Variants in FNIP2 observed in about 807,000 individuals in gnomAD.
FNIP2 encodes folliculin interacting protein 2.
In FNIP2, 32 loss-of-function variants were observed where a neutral mutation model predicts 108.7. The observed-to-expected ratio is 0.29, with a 90% CI of 0.22 to 0.40. FNIP2 has a LOEUF of 0.40. FNIP2 is among the 10% of genes least tolerant of loss of function. The pLI is 1.00. For synonymous variants in FNIP2, 480 were observed against 496.7 expected (o/e 0.97, Z 0.45); for missense variants, 1,202 against 1,381.6 (o/e 0.87, Z 2.06).
At chr4:158,857,862 C>T (rs1229675880) in intron 8 of FNIP2, among the ~76,000 whole-genome samples, 3 of 151,672 alleles carry the variant, frequency 2.0e-5, no homozygotes, top group African/African-American at 7.3e-5. Flanking sequence ...GTGGGAGGAT[C>T]GCTTGAGCCT....
In FNIP2 at chr4:158,895,759, C is replaced by A; in HGVS notation, c.3160C>A (p.His1054Asn). 6.2e-7 allele frequency: 1 copy of A among 1,607,074 alleles called. No individual in the cohort carries two copies. The highest frequency in any genetic ancestry group is 8.5e-7 in the Non-Finnish European group (1 of 1,174,540). ...LHLPADFCIM[H>N]LEDRLQEMYL... The stretch of plus-strand genomic sequence containing the variant: ...GTTCTTGGCTTTGCAGTGCATCATG[C>A]ATCTTGAAGATAGACTACAGGAGAT... The change falls in exon 16 of 17, where the codon CAT (histidine) becomes AAT (asparagine). Residue 1054 changes from histidine to asparagine, a missense_variant. By Grantham distance (68) the His-to-Asn change is moderately conservative (BLOSUM62 1). Coordinates refer to ENST00000264433, the MANE Select transcript of FNIP2 (RefSeq NM_020840.3).
chr4:158,885,889 G>C (rs534654125), intron 14 of FNIP2, among the ~76,000 whole-genome samples: 16 of 152,286 alleles, frequency 1.1e-4, no homozygotes, highest in African/African-American at 3.6e-4. Context: ...CAGCTCTTGC[G>C]ATTCTCTAAA....
intron 1 of FNIP2, among the ~76,000 whole-genome samples, chr4:158,805,554 A>G (rs1412073590): frequency 9.2e-5 from 14 of 152,164 alleles, no homozygotes; most frequent in Non-Finnish European, 1.9e-4. Flanking sequence ...TAAAGCAAGG[A>G]TATATCCCTA....
At chr4:158,780,395 T>G (rs1776003198) in intron 1 of FNIP2, among the ~76,000 whole-genome samples, 1 of 152,210 alleles carries the variant, frequency 6.6e-6, no homozygotes, top group Non-Finnish European at 1.5e-5. Context: ...TCTCAAGAAT[T>G]TTAAGGGAGC....
At position 158,870,435 on chromosome 4, in the gene FNIP2, A is replaced by T; in HGVS notation, c.2915A>T (p.Gln972Leu). 3 of 1,613,922 alleles carry T rather than the reference A, an allele frequency of 1.9e-6. No individual in the cohort carries two copies. Among genetic ancestry groups the T allele is most frequent in the Non-Finnish European group, 2.5e-6 (3 of 1,179,818 alleles). Reference sequence around the variant, plus strand: ...ACCGGCAGTGATGAGAAGCTGAAGCAGTGCCTGGTGGCCGACCTTGTCCAC... The same window carrying T: ...ACCGGCAGTGATGAGAAGCTGAAGCTGTGCCTGGTGGCCGACCTTGTCCAC... ...HGTGSDEKLK[Q>L]CLVADLVHTV... Residue 972 changes from glutamine to leucine, a missense_variant, in exon 14 of 17, where the codon CAG (glutamine) becomes CTG (leucine). By Grantham distance (113) the Gln-to-Leu change is moderately radical. Transcript: ENST00000264433.
intron 8 of FNIP2, among the ~76,000 whole-genome samples, chr4:158,857,875 G>A (rs1210835829): frequency 6.6e-6 from 1 of 152,042 alleles, no homozygotes; most frequent in African/African-American, 2.4e-5. Context: ...TTGAGCCTGG[G>A]AAATTGAGGC....
chr4:158,812,719 C>G (rs933958985), intron 1 of FNIP2, among the ~76,000 whole-genome samples: 4 of 152,006 alleles, frequency 2.6e-5, no homozygotes, highest in Admixed American at 2.0e-4. Context: ...TTTGTTACCA[C>G]TGAGGAATCT....
At chr4:158,845,785 G>C (rs1242734725) in intron 7 of FNIP2, among the ~76,000 whole-genome samples, 1 of 152,198 alleles carries the variant, frequency 6.6e-6, no homozygotes, top group Non-Finnish European at 1.5e-5. Flanking sequence ...TTGTTATCTA[G>C]AGTATATGAT....
In FNIP2 at chr4:158,898,822, T is replaced by G. The variant is rs544464371; in HGVS notation, c.3266+2957T>G. ...TCCTCTCTTCCTATTTGAATACGCT[T>G]TATTTCTTTCTCTTGCATGATTGTC... is the stretch of plus-strand genomic sequence containing the variant. On this transcript the variant is annotated intron_variant, in intron 16 of 16. Transcript: ENST00000264433. Among the ~76,000 whole-genome samples the G allele has an allele frequency of 5.3e-5, 8 of 152,332 alleles. No homozygotes were observed. In the South Asian group the frequency reaches 1.2e-3, roughly 24 times the overall value.
At chr4:158,778,422 A>G (rs775670962) in intron 1 of FNIP2, among the ~76,000 whole-genome samples, 5 of 152,186 alleles carry the variant, frequency 3.3e-5, no homozygotes, top group African/African-American at 4.8e-5. Flanking sequence ...GAAATAAACA[A>G]TTCCTAAGTT....
chr4:158,785,326 C>T (rs1776189133), intron 1 of FNIP2, among the ~76,000 whole-genome samples: 1 of 152,100 alleles, frequency 6.6e-6, no homozygotes, highest in African/African-American at 2.4e-5. Flanking sequence ...CCTTGAGTTC[C>T]GCCCACCTTA....
intron 7 of FNIP2, among the ~76,000 whole-genome samples, chr4:158,837,073 C>A (rs763136741): frequency 6.6e-6 from 1 of 152,182 alleles, no homozygotes; most frequent in Non-Finnish European, 1.5e-5. Flanking sequence ...AAGCTCGGCT[C>A]CCTGCCTTTG....
chr4:158,820,309 C>T (rs952151614), intron 1 of FNIP2, among the ~76,000 whole-genome samples: 1 of 152,206 alleles, frequency 6.6e-6, no homozygotes, highest in Non-Finnish European at 1.5e-5. Flanking sequence ...ATGACCACTT[C>T]TACTCTGATT....
chr4:158,829,556 C>G (rs1011484224), intron 3 of FNIP2, among the ~76,000 whole-genome samples: 1 of 152,072 alleles, frequency 6.6e-6, no homozygotes, highest in Non-Finnish European at 1.5e-5. Flanking sequence ...TATAAGAATT[C>G]CTAAGGATTC....
chr4:158,805,346 T>C (rs563834097), intron 1 of FNIP2, among the ~76,000 whole-genome samples: 7 of 152,326 alleles, frequency 4.6e-5, no homozygotes, highest in African/African-American at 1.7e-4. Context: ...AAGAAAAATG[T>C]TTTCTTCGTG....
chr4:158,891,561 G>A lies in FNIP2; in HGVS notation c.3065G>A (p.Gly1022Asp). The A allele has an allele frequency of 6.2e-7, 1 of 1,612,322 alleles. No homozygotes were observed. Among genetic ancestry groups the A allele is most frequent in the Non-Finnish European group, 8.5e-7 (1 of 1,179,174 alleles). Residue 1022 changes from glycine (G) to aspartate (D), a missense_variant, in exon 15 of 17, where the codon GGC becomes GAC. By Grantham distance (94) the Gly-to-Asp change is moderately conservative. This residue lies in a region of FNIP2 where 142 missense variants were observed against 183.8 expected (regional missense o/e 0.77). Coordinates refer to ENST00000264433, the MANE Select transcript of FNIP2 (RefSeq NM_020840.3). ...AAAGTGACGGACAACATGAAACTAG[G>A]CCAGGATGTCCTGGTCTCTAGTCAG... is the stretch of plus-strand genomic sequence containing the variant. ...QRKVTDNMKL[G>D]QDVLVSSQVS... is the part of the protein sequence containing the mutation.
intron 14 of FNIP2, among the ~76,000 whole-genome samples, chr4:158,875,483 C>T (rs1359925700): frequency 1.4e-5 from 2 of 138,476 alleles, no homozygotes; most frequent in East Asian, 2.1e-4. Context: ...ATCAGTAGCA[C>T]AGATAAAGAG....
chr4:158,850,635 T>C (rs1779646629), intron 7 of FNIP2, among the ~76,000 whole-genome samples: 1 of 148,210 alleles, frequency 6.7e-6, no homozygotes, highest in African/African-American at 2.5e-5. Context: ...CAGTGGGGGC[T>C]GGAGGGAAGG....
intron 15 of FNIP2, 62 bp downstream of exon 15, chr4:158,891,708 T>G: frequency 7.0e-7 from 1 of 1,430,070 alleles, no homozygotes; most frequent in Non-Finnish European, 9.5e-7. Flanking sequence ...AACGACATTT[T>G]GATTATAAAA....
Sources: gnomAD v4.1 joint callset for allele counts (sites outside exome capture counted in the v4.1 genomes callset) on GRCh38, gnomAD v4.1.1 for gene constraint, gnomAD v4.1.1 regional missense constraint, MANE v1.5 for transcripts, NCBI Gene and HGNC (gene_info 2026-07-23, HGNC 2026-07-21) for gene names.